The following MAP3K9 variants were observed in gnomAD, a reference collection of about 807,000 sequenced individuals.
The protein encoded by MAP3K9 is mixed lineage kinase 1 (tyr and ser/thr specificity).
A neutral mutation model predicts 95.8 loss-of-function variants in MAP3K9; 46 were observed. The ratio of observed to expected loss-of-function variants is 0.48; its 90% CI spans 0.38 to 0.61. The LOEUF is 0.61. Among genes scored for constraint, MAP3K9 ranks in the 20% least tolerant of loss-of-function variants. The pLI, the probability that MAP3K9 is intolerant of heterozygous loss-of-function variation, is 0.00. For synonymous variants in MAP3K9, 533 were observed against 593.8 expected, an observed-to-expected ratio of 0.90 and a Z score of 1.49; for missense variants, 1,296 against 1,474.3, an observed-to-expected ratio of 0.88 and a Z score of 1.98.
At chr14:70,743,613 C>T (rs1480102688) in intron 5 of MAP3K9, among the ~76,000 whole-genome samples, 1 of 152,122 alleles carries the variant, frequency 6.6e-6, no homozygotes, top group Admixed American at 6.5e-5. Flanking sequence ...GAAAGCTCAT[C>T]AACACTGGTC....
In MAP3K9 at chr14:70,733,450, G is replaced by T. The variant is rs190309445; in HGVS notation, c.2027-108C>A. On this transcript the variant is annotated intron_variant, in intron 10 of 11. Transcript: ENST00000554752. The stretch of plus-strand genomic sequence containing the variant: ...CCAGGCCTCCTGTCTCAGTCTCAGG[G>T]ACACAAAGGTTCAATGGTGTGATGA... 678 of 614,528 alleles carry T rather than the reference G, an allele frequency of 1.1e-3. 6 individuals carry two copies. The East Asian group carries it at 0.016, about 14-fold the overall frequency. The allele number at this position is 614,528 out of a possible 1,614,324, so 38.1% of individuals were successfully genotyped here.
Position 70,808,834 on chromosome 14 carries a change from G to T in MAP3K9, c.338C>A (p.Pro113Gln). 1.3e-6 allele frequency: 2 copies of T among 1,598,184 alleles called. No individual in the cohort carries two copies. The highest frequency in any genetic ancestry group is 1.7e-6 in the Non-Finnish European group (2 of 1,175,000). ...GCAGCGGCTGGAGAAGGCGCTGCGC[G>T]GGGTCACGTAGTTGCTGGGGAAGAT... ...VGIFPSNYVTPRSAFSSRCQP... is the reference protein window; with the variant it reads ...VGIFPSNYVTQRSAFSSRCQP... The change falls in exon 1 of 12, where the codon CCG (proline) becomes CAG (glutamine). Residue 113 changes from proline (P) to glutamine (Q), a missense_variant. Pro to Gln is a moderately conservative substitution (Grantham distance 76). Around this residue, in one of 5 missense-constraint regions of MAP3K9, gnomAD observed 338 missense variants for 363.4 expected, o/e 0.93. Transcript: ENST00000554752.
At chr14:70,736,244 C>T (rs188005095) in intron 8 of MAP3K9, among the ~76,000 whole-genome samples, 11 of 152,240 alleles carry the variant, frequency 7.2e-5, no homozygotes, top group Admixed American at 2.0e-4. Flanking sequence ...AGCTGCAGCA[C>T]GGTTGCAGGG....
intron 1 of MAP3K9, 103 bp downstream of exon 1, chr14:70,808,663 C>G: frequency 6.8e-6 from 1 of 146,212 alleles, no homozygotes; most frequent in Non-Finnish European, 1.4e-5. Flanking sequence ...TCCTCCCCAC[C>G]CCCCGCCCTC....
rs139928245 is a variant in MAP3K9, at chr14:70,776,707, G to A, written c.821-15525C>T. On this transcript the variant is annotated intron_variant, in intron 2 of 11. Coordinates refer to ENST00000554752, the MANE Select transcript of MAP3K9 (RefSeq NM_001284230.2). ...GTAGGTCCCATATAGCTGTTCACTC[G>A]GGCCCCAAATAAAGCATTCTCAACC... 2.9e-3 allele frequency among the ~76,000 whole-genome samples: 435 copies of A among 151,868 alleles called. 4 individuals carry two copies. Among genetic ancestry groups the A allele is most frequent in the African/African-American group, 1.0e-2 (412 of 41,388 alleles).
intron 2 of MAP3K9, among the ~76,000 whole-genome samples, chr14:70,789,588 A>G (rs1365938526): frequency 2.6e-5 from 4 of 152,212 alleles, no homozygotes; most frequent in Admixed American, 2.0e-4. Flanking sequence ...GAGGTTGGCC[A>G]CGTGCCCAAT....
Position 70,749,975 on chromosome 14 carries a change from T to C in MAP3K9, c.1108A>G (p.Ile370Val), listed in dbSNP as rs771460603. 6.8e-6 allele frequency: 11 copies of C among 1,614,034 alleles called. No individual in the cohort carries two copies. In the South Asian group the frequency reaches 1.1e-4, roughly 16 times the overall value. ...GVAMNKLALP[I>V]PSTCPEPFAK... ...AAAGGTTCTGGGCACGTAGAAGGAA[T>C]AGGAAGGGCGAGTTTGTTCATGGCC... The change falls in exon 4 of 12, where the codon ATT becomes GTT. Residue 370 changes from isoleucine (I) to valine (V), a missense_variant. Around this residue, in one of 5 missense-constraint regions of MAP3K9, gnomAD observed 136 missense variants for 221.5 expected, o/e 0.61. Coordinates refer to ENST00000554752, the MANE Select transcript of MAP3K9 (RefSeq NM_001284230.2).
intron 2 of MAP3K9, chr14:70,783,274 G>T (rs185085385): frequency 0.02 from 19,827 of 977,350 alleles, 283 homozygotes; most frequent in Non-Finnish European, 0.022. Context: ...AGGTGGGAAG[G>T]AAGACGGCAT....
intron 2 of MAP3K9, among the ~76,000 whole-genome samples, chr14:70,792,943 G>C (rs1411773746): frequency 6.6e-6 from 1 of 152,240 alleles, no homozygotes; most frequent in African/African-American, 2.4e-5. Flanking sequence ...AACTCCAAGA[G>C]AAGGTTGGAG....
Position 70,773,975 on chromosome 14 carries a change from C to A in MAP3K9, c.821-12793G>T, listed in dbSNP as rs140735954. On this transcript the variant is annotated intron_variant, in intron 2 of 11. Transcript: ENST00000554752. ...GCTCATTACTACAGCAAAACAGACA[C>A]AGACATATCAAAATTGCAAATCTAA... is the stretch of plus-strand genomic sequence containing the variant. 6.4e-3 allele frequency among the ~76,000 whole-genome samples: 970 copies of A among 152,312 alleles called. 11 individuals are homozygous for A. The highest frequency in any genetic ancestry group is 0.021 in the African/African-American group (882 of 41,562).
At chr14:70,749,878 A>C (rs1252069795) in intron 4 of MAP3K9, 55 bp downstream of exon 4, 1 of 1,606,816 alleles carries the variant, frequency 6.2e-7, no homozygotes, top group East Asian at 2.2e-5. Context: ...AACTCTACCC[A>C]GTGCTTACAA....
At chr14:70,734,268 C>T in intron 10 of MAP3K9, 118 bp downstream of exon 10, 1 of 736,476 alleles carries the variant, frequency 1.4e-6, no homozygotes, top group East Asian at 2.5e-5. Flanking sequence ...CAAAAACATT[C>T]CCAATGTTTC....
intron 2 of MAP3K9, among the ~76,000 whole-genome samples, chr14:70,796,393 A>C (rs538586390): frequency 1.3e-5 from 2 of 152,278 alleles, no homozygotes; most frequent in Admixed American, 6.5e-5. Context: ...GCCTGGCTAA[A>C]CTTGTTTGGC....
intron 3 of MAP3K9, among the ~76,000 whole-genome samples, chr14:70,758,382 TA>T (rs1398813456): frequency 6.6e-6 from 1 of 151,626 alleles, no homozygotes; most frequent in Admixed American, 6.6e-5. Flanking sequence ...ACTTTTTTTT[TA>T]AAAAAAGGCA....
intron 5 of MAP3K9, among the ~76,000 whole-genome samples, chr14:70,748,112 A>AG (rs2054174380): frequency 6.6e-6 from 1 of 151,524 alleles, no homozygotes; most frequent in Non-Finnish European, 1.5e-5. Flanking sequence ...CTCAAAAAAA[A>AG]AAAAAAAATG....
intron 1 of MAP3K9, among the ~76,000 whole-genome samples, chr14:70,806,138 C>A (rs547863765): frequency 1.3e-4 from 20 of 152,136 alleles, no homozygotes; most frequent in Non-Finnish European, 2.1e-4. Context: ...AATTTCATTC[C>A]AAGTCTTCGG....
intron 2 of MAP3K9, among the ~76,000 whole-genome samples, chr14:70,774,983 CAAAAAAAAAAAAAA>C (rs60144338): frequency 3.6e-5 from 2 of 55,096 alleles, no homozygotes; most frequent in African/African-American, 7.8e-5. Context: ...ACTCTGTCCC[CAAAAAAAAAAAAAA>C]AAAAAAAAAA....
intron 2 of MAP3K9, among the ~76,000 whole-genome samples, chr14:70,774,333 G>A (rs1374066433): frequency 6.6e-6 from 1 of 152,100 alleles, no homozygotes; most frequent in African/African-American, 2.4e-5. Flanking sequence ...AATATATTTC[G>A]GCTTTTTAAA....
chr14:70,807,071 G>A (rs988136641), intron 1 of MAP3K9, among the ~76,000 whole-genome samples: 7 of 152,190 alleles, frequency 4.6e-5, no homozygotes, highest in Admixed American at 2.0e-4. Context: ...TAAACTGAAT[G>A]AGAGGGAGAG....
Sources: allele counts gnomAD v4.1 joint callset (sites outside exome capture counted in the v4.1 genomes callset), GRCh38; gene constraint gnomAD v4.1.1; regional missense constraint gnomAD v4.1.1; transcripts MANE v1.5; gene names NCBI Gene and HGNC (gene_info 2026-07-23, HGNC 2026-07-21).